The following TMIE variants were observed in gnomAD, a reference collection of about 807,000 sequenced individuals.
The protein encoded by TMIE is transmembrane inner ear expressed protein.
TMIE carries 14 observed loss-of-function variants against 16.8 expected under a neutral mutation model. The observed-to-expected ratio is 0.83, with a 90% CI of 0.55 to 1.30. TMIE has a LOEUF of 1.30. Among genes scored for constraint, TMIE ranks in the 50% most tolerant of loss-of-function variants. The pLI is 0.00. For synonymous variants in TMIE, 75 were observed against 87.2 expected (o/e 0.86, Z 0.78); for missense variants, 204 against 205.9 (o/e 0.99, Z 0.06).
chr3:46,709,328 C>G, intron 3 of TMIE, 53 bp downstream of exon 3: 1 of 1,612,506 alleles, frequency 6.2e-7, no homozygotes, highest in South Asian at 1.1e-5. Context: ...CTCAGTCCTG[C>G]TGCCTGGAGT....
At position 46,701,677 on chromosome 3, in the gene TMIE, C is replaced by A; in HGVS notation, c.93+97C>A. The A allele has an allele frequency of 1.0e-6, 1 of 1,002,374 alleles. No homozygotes were observed. The highest frequency in any genetic ancestry group is 1.3e-6 in the Non-Finnish European group (1 of 770,612). The allele number at this position is 1,002,374 out of a possible 1,614,324, so 62.1% of individuals were successfully genotyped here. On this transcript the variant is annotated intron_variant, in intron 1 of 3. Coordinates refer to ENST00000643606, the MANE Select transcript of TMIE (RefSeq NM_147196.3). This position sits in a 1 kb window ranked among gnomAD's most constrained non-coding sequence, Gnocchi z 4.3. Reference sequence around the variant, plus strand: ...CTTTTTGATCCGGAGCTTGTTTGATCCCTTACTCTTGCCCTGAGAGATCCA... The same window carrying A: ...CTTTTTGATCCGGAGCTTGTTTGATACCTTACTCTTGCCCTGAGAGATCCA...
upstream of TMIE, among the ~76,000 whole-genome samples, chr3:46,697,511 T>C (rs967094930): frequency 2.0e-5 from 3 of 152,088 alleles, no homozygotes; most frequent in South Asian, 2.1e-4. Context: ...TTCCTCCATA[T>C]CTCGCCCTAT....
chr3:46,703,165 G>A (rs1272409529), intron 1 of TMIE, among the ~76,000 whole-genome samples: 2 of 152,122 alleles, frequency 1.3e-5, no homozygotes, highest in African/African-American at 2.4e-5. Flanking sequence ...GCCCTGTGTG[G>A]GTCACCATCA....
chr3:46,693,953 C>G (rs1700330391), upstream of TMIE, among the ~76,000 whole-genome samples: 2 of 152,080 alleles, frequency 1.3e-5, no homozygotes, highest in Non-Finnish European at 2.9e-5. Context: ...CCTCCGCCCC[C>G]TACGCACCCA....
chr3:46,701,451 C>A lies in TMIE; in HGVS notation c.-37C>A, dbSNP rs530579940. ...GGCAGTGACCGGCGGCCGGCCCGTT[C>A]GTCCCTGGGCTCCGCAAGCGGCGCG... On this transcript the variant is annotated 5_prime_UTR_variant, in exon 1 of 4. Coordinates refer to ENST00000643606, the MANE Select transcript of TMIE (RefSeq NM_147196.3). The surrounding 1 kb of genome is among the most constrained non-coding windows in gnomAD (Gnocchi z 4.3). 0.026 allele frequency: 35,459 copies of A among 1,387,772 alleles called. 568 individuals are homozygous for A. Among genetic ancestry groups the A allele is most frequent in the Non-Finnish European group, 0.029 (30,805 of 1,069,274 alleles). The allele number at this position is 1,387,772 out of a possible 1,614,324, so 86.0% of individuals were successfully genotyped here.
intron 1 of TMIE, among the ~76,000 whole-genome samples, chr3:46,704,227 C>T (rs530907982): frequency 3.8e-4 from 51 of 132,590 alleles, no homozygotes; most frequent in African/African-American, 1.3e-3. Context: ...ACACCCAGGG[C>T]GGACCATGTC....
Position 46,705,837 on chromosome 3 carries a change from G to A in TMIE, c.141G>A (p.Glu47=). 1 of 1,614,160 alleles carries A rather than the reference G, an allele frequency of 6.2e-7. No homozygotes were observed. Among genetic ancestry groups the A allele is most frequent in the Non-Finnish European group, 8.5e-7 (1 of 1,180,046 alleles). ...CCAAGCCGCCTCCGCTGACCAAGGA[G>A]ACAGTGGTGTTCTGGGACATGCGCC... The part of the protein sequence containing the change: ...PKPKPPPLTK[E]TVVFWDMRLW... Residue 47 remains glutamate (E), a synonymous_variant, in exon 2 of 4, where the codon GAG becomes GAA. Transcript: ENST00000643606.
At chr3:46,704,516 C>T (rs749059400) in intron 1 of TMIE, among the ~76,000 whole-genome samples, 24,091 of 130,234 alleles carry the variant, frequency 0.18, 2,855 homozygotes, top group South Asian at 0.3. Context: ...GTCCCCTAGA[C>T]GCCCAGGGCA....
chr3:46,709,570 G>T lies in TMIE; in HGVS notation c.362-9G>T. On this transcript the variant is annotated splice_polypyrimidine_tract_variant and intron_variant, in intron 3 of 3. Coordinates refer to ENST00000643606, the MANE Select transcript of TMIE (RefSeq NM_147196.3). The stretch of plus-strand genomic sequence containing the variant: ...CACTATCACATGGTCTCTTCCCCCT[G>T]CCCCACAGAGGATAAGAAGAAGAAG... 1 of 1,593,858 alleles carries T rather than the reference G, an allele frequency of 6.3e-7. No homozygotes were observed. The highest frequency in any genetic ancestry group is 8.5e-7 in the Non-Finnish European group (1 of 1,174,946).
At chr3:46,708,298 C>T (rs1700576933) in intron 2 of TMIE, among the ~76,000 whole-genome samples, 1 of 152,348 alleles carries the variant, frequency 6.6e-6, no homozygotes, top group South Asian at 2.1e-4. Context: ...CCTGGTTAAT[C>T]CTCCGTGGGC....
Position 46,709,750 on chromosome 3 carries a change from C to A in TMIE, c.*62C>A. The A allele has an allele frequency of 6.2e-7, 1 of 1,606,842 alleles. No individual in the cohort carries two copies. The highest frequency in any genetic ancestry group is 8.5e-7 in the Non-Finnish European group (1 of 1,177,032). ...GCTCAAGCCGTGGCCGGGGTCCAGG[C>A]ATGTTGGACTCTGAGCTCATTTGGG... On this transcript the variant is annotated 3_prime_UTR_variant, in exon 4 of 4. Coordinates refer to ENST00000643606, the MANE Select transcript of TMIE (RefSeq NM_147196.3).
chr3:46,705,211 A>G (rs1235539435), intron 1 of TMIE, among the ~76,000 whole-genome samples: 2 of 152,066 alleles, frequency 1.3e-5, no homozygotes, highest in African/African-American at 2.4e-5. Flanking sequence ...AGCACTGCAG[A>G]CCTTTTATTT....
At position 46,709,130 on chromosome 3, in the gene TMIE, C is replaced by T. The variant is rs762792362; in HGVS notation, c.216C>T (p.Ile72=). 1.2e-5 allele frequency: 20 copies of T among 1,614,094 alleles called. 1 individual carries two copies. The South Asian group carries it at 2.0e-4, about 16-fold the overall frequency. ...CCTGCTCTGTCCTCCCTACAGTCAT[C>T]ACGCTGTGCTGTGTCTTCAACTGTC... ...IFSLFVLSII[I]TLCCVFNCRV... Residue 72 remains isoleucine (I), a synonymous_variant, in exon 3 of 4, where the codon ATC becomes ATT. Coordinates refer to ENST00000643606, the MANE Select transcript of TMIE (RefSeq NM_147196.3).
intron 1 of TMIE, among the ~76,000 whole-genome samples, 181 bp from the exon 2 acceptor site, chr3:46,705,609 C>G (rs1269304059): frequency 3.3e-5 from 5 of 152,214 alleles, no homozygotes; most frequent in African/African-American, 1.2e-4. Flanking sequence ...CTGCTCAGTT[C>G]TCTTGCTCTA....
upstream of TMIE, among the ~76,000 whole-genome samples, chr3:46,696,481 A>T (rs905585416): frequency 8.5e-5 from 13 of 152,124 alleles, no homozygotes; most frequent in Non-Finnish European, 1.5e-4. Context: ...CCTGGGGCTG[A>T]TGAGGTCAGG....
In TMIE at chr3:46,705,844, G is replaced by A. The variant is rs567795032; in HGVS notation, c.148G>A (p.Val50Met). The A allele has an allele frequency of 6.2e-7, 1 of 1,614,164 alleles. No individual in the cohort carries two copies. Among genetic ancestry groups the A allele is most frequent in the South Asian group, 1.1e-5 (1 of 91,084 alleles). The change falls in exon 2 of 4, where the codon GTG (valine) becomes ATG (methionine). Residue 50 changes from valine to methionine, a missense_variant. Coordinates refer to ENST00000643606, the MANE Select transcript of TMIE (RefSeq NM_147196.3). ...KPPPLTKETV[V>M]FWDMRLWHVV... ...GCCTCCGCTGACCAAGGAGACAGTG[G>A]TGTTCTGGGACATGCGCCTGTGGCA...
intron 2 of TMIE, among the ~76,000 whole-genome samples, chr3:46,706,957 G>A (rs1023515599): frequency 6.6e-6 from 1 of 152,232 alleles, no homozygotes; most frequent in Admixed American, 6.5e-5. Flanking sequence ...GGGCTCCAAG[G>A]AAGACGTGAC....
upstream of TMIE, chr3:46,701,252 T>G (rs1575467766): frequency 5.0e-4 from 158 of 314,014 alleles, no homozygotes; most frequent in East Asian, 8.8e-4. The surrounding 1 kb of genome is among the most constrained non-coding windows in gnomAD (Gnocchi z 4.3). Flanking sequence ...ATGCGGAAGG[T>G]GGGGGCAGGG....
At chr3:46,696,932 G>C (rs548438292), upstream of TMIE, among the ~76,000 whole-genome samples, 1 of 152,170 alleles carries the variant, frequency 6.6e-6, no homozygotes, top group Non-Finnish European at 1.5e-5. Context: ...TGATTTTGGG[G>C]TGCAGGGGGA....
Sources: gnomAD v4.1 joint callset for allele counts (sites outside exome capture counted in the v4.1 genomes callset) on GRCh38, gnomAD v4.1.1 for gene constraint, Gnocchi (gnomAD v3.1) non-coding constraint, MANE v1.5 for transcripts, NCBI Gene and HGNC (gene_info 2026-07-23, HGNC 2026-07-21) for gene names.